The following NT5C1A variants were observed in gnomAD, a reference collection of about 807,000 sequenced individuals.
NT5C1A encodes 5'-nucleotidase, cytosolic IA.
Under a neutral mutation model 31.0 loss-of-function variants are expected in NT5C1A, and 18 were observed. That is an observed-to-expected ratio of 0.58 (90% CI 0.40 to 0.86). The LOEUF (loss-of-function observed/expected upper bound fraction) is 0.86. Among genes scored for constraint, NT5C1A ranks in the 40% least tolerant of loss-of-function variants. The pLI is 0.00. For synonymous variants in NT5C1A, 185 were observed against 203.6 expected, an observed-to-expected ratio of 0.91 and a Z score of 0.78; for missense variants, 470 against 505.4, an observed-to-expected ratio of 0.93 and a Z score of 0.67.
intron 1 of NT5C1A, among the ~76,000 whole-genome samples, chr1:39,669,225 T>C (rs1444741164): frequency 6.6e-6 from 1 of 152,104 alleles, no homozygotes; most frequent in Admixed American, 6.5e-5. Context: ...GGGATGGGAA[T>C]GGAAGAATAA....
At chr1:39,664,085 C>G (rs1250441916) in intron 3 of NT5C1A, among the ~76,000 whole-genome samples, 1 of 152,128 alleles carries the variant, frequency 6.6e-6, no homozygotes, top group Non-Finnish European at 1.5e-5. Flanking sequence ...AAAATGCCAA[C>G]TAGACTCTCT....
intron 5 of NT5C1A, 149 bp downstream of exon 5, chr1:39,660,930 T>G: frequency 1.8e-6 from 1 of 556,942 alleles, no homozygotes; most frequent in Non-Finnish European, 3.3e-6. Context: ...TGATGGGGGG[T>G]CAGTGGTCAA....
At chr1:39,664,924 G>A (rs1024012761) in intron 3 of NT5C1A, among the ~76,000 whole-genome samples, 3 of 152,116 alleles carry the variant, frequency 2.0e-5, no homozygotes, top group East Asian at 1.9e-4. Context: ...AAGAAGAGCC[G>A]GGAGAGATTT....
rs1001950421 is a variant in NT5C1A, at chr1:39,653,622, C to T, written c.*5499G>A. On this transcript the variant is annotated 3_prime_UTR_variant, in exon 6 of 6. Coordinates refer to ENST00000235628, the MANE Select transcript of NT5C1A (RefSeq NM_032526.3). ...AGCTAACCGTGGGGAGAGTCCAGCG[C>T]AGCACTAAGTCAGTGGGAGAGAAAA... Among the ~76,000 whole-genome samples the T allele has an allele frequency of 6.6e-6, 1 of 152,158 alleles. No homozygotes were observed. Among genetic ancestry groups the T allele is most frequent in the Non-Finnish European group, 1.5e-5 (1 of 68,036 alleles).
Position 39,653,622 on chromosome 1 carries a change from C to G in NT5C1A, c.*5499G>C, listed in dbSNP as rs1001950421. ...AGCTAACCGTGGGGAGAGTCCAGCG[C>G]AGCACTAAGTCAGTGGGAGAGAAAA... On this transcript the variant is annotated 3_prime_UTR_variant, in exon 6 of 6. Transcript: ENST00000235628. 1.3e-5 allele frequency among the ~76,000 whole-genome samples: 2 copies of G among 152,276 alleles called. No homozygotes were observed. The highest frequency in any genetic ancestry group is 4.8e-5 in the African/African-American group (2 of 41,564).
intron 1 of NT5C1A, among the ~76,000 whole-genome samples, chr1:39,669,114 A>G (rs1025753338): frequency 6.6e-5 from 10 of 152,208 alleles, no homozygotes; most frequent in African/African-American, 2.4e-4. Flanking sequence ...GAATTGGGTC[A>G]GAGTGACTCA....
Position 39,661,244 on chromosome 1 carries a change from G to GATGGTGGC in NT5C1A, c.568_575dup (p.Ile192MetfsTer62). 2 of 1,582,222 alleles carry GATGGTGGC rather than the reference G, an allele frequency of 1.3e-6. No homozygotes were observed. Among genetic ancestry groups the GATGGTGGC allele is most frequent in the Non-Finnish European group, 1.7e-6 (2 of 1,153,576 alleles). ...CAACCACATCCCTGCTGGGGCTGAA[G>GATGGTGGC]ATGGTGGCAGCTGCGATCCCTAGGC... On this transcript the variant is annotated frameshift_variant, in exon 5 of 6. Transcript: ENST00000235628. LOFTEE classifies it high-confidence loss of function.
intron 1 of NT5C1A, among the ~76,000 whole-genome samples, chr1:39,668,555 C>G (rs1297531785): frequency 6.6e-6 from 1 of 152,180 alleles, no homozygotes; most frequent in Admixed American, 6.5e-5. Flanking sequence ...GCCTGTTACT[C>G]TAGGTCAAGG....
At chr1:39,671,389 C>G (rs2124167743) in intron 1 of NT5C1A, among the ~76,000 whole-genome samples, 1 of 152,274 alleles carries the variant, frequency 6.6e-6, no homozygotes, top group Admixed American at 6.5e-5. Flanking sequence ...CTGGAGAGAG[C>G]AGCTCCCTTT....
Position 39,671,971 on chromosome 1 carries a change from G to A in NT5C1A, c.68C>T (p.Ala23Val), listed in dbSNP as rs748291654. The change falls in exon 1 of 6, where the codon GCG becomes GTG. Residue 23 changes from alanine (A) to valine (V), a missense_variant. By Grantham distance (64) the Ala-to-Val change is moderately conservative. Coordinates refer to ENST00000235628, the MANE Select transcript of NT5C1A (RefSeq NM_032526.3). Reference sequence around the variant, plus strand: ...CTTGGCTTCCTCCCAGACCGGGGCCGCAGCGGTCTCCGCTCCTGGCCCGGG... The same window carrying A: ...CTTGGCTTCCTCCCAGACCGGGGCCACAGCGGTCTCCGCTCCTGGCCCGGG... ...REPGPGAETA[A>V]APVWEEAKIF... 1 of 1,611,794 alleles carries A rather than the reference G, an allele frequency of 6.2e-7. No individual in the cohort carries two copies. The highest frequency in any genetic ancestry group is 1.1e-5 in the South Asian group (1 of 91,080).
In NT5C1A at chr1:39,652,889, G is replaced by C. The variant is rs1444555904; in HGVS notation, c.*6232C>G. Among the ~76,000 whole-genome samples, 1 of 151,962 alleles carries C rather than the reference G, an allele frequency of 6.6e-6. No homozygotes were observed. Among genetic ancestry groups the C allele is most frequent in the Non-Finnish European group, 1.5e-5 (1 of 68,012 alleles). On this transcript the variant is annotated 3_prime_UTR_variant, in exon 6 of 6. Transcript: ENST00000235628. ...AGAGGCAGGAATCTTTGCCTAGGTT[G>C]GGCAGGGCTGGTAGTGGGGAGGGAA...
chr1:39,663,821 T>G (rs1646504307), intron 3 of NT5C1A, among the ~76,000 whole-genome samples: 1 of 152,146 alleles, frequency 6.6e-6, no homozygotes, highest in South Asian at 2.1e-4. Context: ...TGTAAAGTAT[T>G]TGTTGGTTGA....
At chr1:39,666,304 GTCTC>G in intron 1 of NT5C1A, 68 bp from the exon 2 acceptor site, 3 of 1,491,172 alleles carry the variant, frequency 2.0e-6, no homozygotes, top group Non-Finnish European at 2.8e-6. Context: ...ACATGTGTGA[GTCTC>G]CCTGGGTAGT....
At chr1:39,660,974 G>C (rs1471442851) in intron 5 of NT5C1A, 105 bp downstream of exon 5, 1 of 651,160 alleles carries the variant, frequency 1.5e-6, no homozygotes, top group East Asian at 2.5e-5. Flanking sequence ...CTGGAATCTG[G>C]GCTGAGCCTG....
chr1:39,661,335 A>G (rs543995823), intron 4 of NT5C1A, 72 bp from the exon 5 acceptor site: 2 of 750,468 alleles, frequency 2.7e-6, no homozygotes, highest in South Asian at 1.8e-5. Context: ...ATCTTAGGCT[A>G]TCCTTGCCCC....
In NT5C1A at chr1:39,659,359, GC is replaced by G; in HGVS notation, c.868del (p.Ala290ProfsTer81). 6.2e-7 allele frequency: 1 copy of G among 1,613,874 alleles called. No individual in the cohort carries two copies. Among genetic ancestry groups the G allele is most frequent in the Non-Finnish European group, 8.5e-7 (1 of 1,180,024 alleles). On this transcript the variant is annotated frameshift_variant, in exon 6 of 6. Coordinates refer to ENST00000235628, the MANE Select transcript of NT5C1A (RefSeq NM_032526.3). LOFTEE classifies it high-confidence loss of function. ...VTARSAASSG[A>X]RALKTLRSWG... is the part of the protein sequence containing the mutation. ...GCTGCGCAGGGTCTTGAGAGCCCGGGCCCCGGAACTGGCTGCACTGCGTGCT... is the reference window on the plus strand; with the variant it reads ...GCTGCGCAGGGTCTTGAGAGCCCGGGCCCGGAACTGGCTGCACTGCGTGCT...
In NT5C1A at chr1:39,659,727, G is replaced by C. The variant is rs531926110; in HGVS notation, c.742-241C>G. Among the ~76,000 whole-genome samples, 6 of 152,348 alleles carry C rather than the reference G, an allele frequency of 3.9e-5. No homozygotes were observed. The East Asian group carries it at 1.2e-3, about 29-fold the overall frequency. ...TAACTATCAGGGCAACTGTTGATAT[G>C]TATCATCCATCCATATGCCCATCAA... On this transcript the variant is annotated intron_variant, in intron 5 of 5. Transcript: ENST00000235628.
chr1:39,657,767 C>T lies in NT5C1A; in HGVS notation c.*1354G>A, dbSNP rs900508993. On this transcript the variant is annotated 3_prime_UTR_variant, in exon 6 of 6. Coordinates refer to ENST00000235628, the MANE Select transcript of NT5C1A (RefSeq NM_032526.3). ...ATCCTGGAAGCCCTTGCTCAGCATC[C>T]ACTGATGGAGAGCTCATTACCTCCA... 3.3e-5 allele frequency among the ~76,000 whole-genome samples: 5 copies of T among 152,226 alleles called. No homozygotes were observed. The highest frequency in any genetic ancestry group is 5.9e-5 in the Non-Finnish European group (4 of 68,044).
chr1:39,664,490 C>CCTCCTCCCCT (rs1553485420), intron 3 of NT5C1A, among the ~76,000 whole-genome samples: 1 of 2,900 alleles, frequency 3.4e-4, no homozygotes, highest in African/African-American at 1.8e-3. Flanking sequence ...GTGGATTTCT[C>CCTCCTCCCCT]CTCCTCTCCT....
Sources: gnomAD v4.1 joint callset for allele counts (sites outside exome capture counted in the v4.1 genomes callset) on GRCh38, gnomAD v4.1.1 for gene constraint, MANE v1.5 for transcripts, NCBI Gene and HGNC (gene_info 2026-07-23, HGNC 2026-07-21) for gene names.